The following ABCC1 variants were observed in gnomAD, a reference collection of about 807,000 sequenced individuals.
ABCC1 encodes ATP binding cassette subfamily C member 1 (ABCC1 blood group), also known as multidrug resistance-associated protein 1.
Under a neutral mutation model 172.9 loss-of-function variants are expected in ABCC1, and 83 were observed. The ratio of observed to expected loss-of-function variants is 0.48; its 90% confidence interval spans 0.40 to 0.58. The LOEUF (loss-of-function observed/expected upper bound fraction) is 0.58. Ranked by LOEUF, ABCC1 falls within the 20% of genes least tolerant of loss-of-function variation. The probability of loss-of-function intolerance (pLI) is 0.00; values close to 1 mark genes in which losing one functional copy is unlikely to be tolerated. For synonymous variants in ABCC1, 937 were observed against 825.2 expected, an observed-to-expected ratio of 1.14 and a Z score of -2.32; for missense variants, 1,817 against 2,002.7, an observed-to-expected ratio of 0.91 and a Z score of 1.77.
At chr16:16,013,402 C>G (rs373794820) in intron 3 of ABCC1, among the ~76,000 whole-genome samples, 47 of 152,132 alleles carry the variant, frequency 3.1e-4, no homozygotes, top group East Asian at 2.9e-3. Flanking sequence ...TCCCAGCTAG[C>G]TGTGACTAAA....
intron 26 of ABCC1, among the ~76,000 whole-genome samples, chr16:16,131,039 T>G (rs935215438): frequency 4.6e-5 from 7 of 152,132 alleles, no homozygotes; most frequent in African/African-American, 7.2e-5. Context: ...GAGAGTCGCT[T>G]GAACCTGGGA....
Position 15,949,741 on chromosome 16 carries a change from G to C in ABCC1, c.-11G>C, listed in dbSNP as rs1250176818. ...CGCCGCCCGGTGCCCGCCGCCGCCC[G>C]CGCCACCGGCATGGCGCTCCGGGGC... On this transcript the variant is annotated 5_prime_UTR_variant, in exon 1 of 31. Coordinates refer to ENST00000399410, the MANE Select transcript of ABCC1 (RefSeq NM_004996.4). The C allele has an allele frequency of 8.5e-7, 1 of 1,174,166 alleles. No homozygotes were observed. The highest frequency in any genetic ancestry group is 1.6e-5 in the African/African-American group (1 of 61,442). 72.7% of individuals were successfully genotyped at this position (1,174,166 alleles called of 1,614,324 possible). A position where few individuals can be genotyped will look rare whatever the true frequency, so the allele number is the denominator to read the frequency against.
intron 1 of ABCC1, 75 bp from the exon 2 acceptor site, chr16:16,007,741 G>A: frequency 7.0e-7 from 1 of 1,438,060 alleles, no homozygotes; most frequent in East Asian, 2.4e-5. Flanking sequence ...CGTGGCAGCT[G>A]GTTTCATGCT....
intron 27 of ABCC1, 137 bp downstream of exon 27, chr16:16,132,072 G>A (rs2045699451): frequency 7.2e-6 from 8 of 1,117,204 alleles, no homozygotes; most frequent in Non-Finnish European, 8.9e-6. Context: ...TTGGGGGGCT[G>A]GGAGTGGACT....
chr16:16,041,277 G>C (rs572637260), intron 7 of ABCC1, among the ~76,000 whole-genome samples: 5 of 152,176 alleles, frequency 3.3e-5, no homozygotes, highest in African/African-American at 1.2e-4. Context: ...AATTCAGTGA[G>C]ATATATGATA....
chr16:16,127,299 C>A (rs950601488), intron 26 of ABCC1, among the ~76,000 whole-genome samples: 1 of 152,168 alleles, frequency 6.6e-6, no homozygotes, highest in African/African-American at 2.4e-5. Context: ...CGCTGCCTCC[C>A]AGGCTCAAGT....
At chr16:16,094,906 C>T (rs3932161) in intron 19 of ABCC1, among the ~76,000 whole-genome samples, 60,450 of 150,026 alleles carry the variant, frequency 0.4, 14,402 homozygotes, top group Non-Finnish European at 0.53. Flanking sequence ...CAGCCTCCAC[C>T]TCCCGGGTTC....
intron 23 of ABCC1, among the ~76,000 whole-genome samples, chr16:16,118,902 A>AAAG (rs1037573672): frequency 6.0e-5 from 9 of 149,070 alleles, no homozygotes; most frequent in Admixed American, 2.0e-4. Context: ...AAAAAAAAAA[A>AAAG]AAAGAGCAAA....
chr16:16,057,132 A>G (rs1465399040), intron 12 of ABCC1, among the ~76,000 whole-genome samples: 3 of 150,552 alleles, frequency 2.0e-5, no homozygotes, highest in African/African-American at 7.3e-5. Flanking sequence ...ACTTGAGGCC[A>G]GGAGCTCGAG....
chr16:16,068,013 C>T (rs45481491), intron 12 of ABCC1, 143 bp from the exon 13 acceptor site: 31,977 of 850,920 alleles, frequency 0.038, 687 homozygotes, highest in Non-Finnish European at 0.044. Context: ...GATACTGCCC[C>T]AGGTTTTTCC....
intron 28 of ABCC1, among the ~76,000 whole-genome samples, chr16:16,135,402 C>G (rs981754047): frequency 3.3e-5 from 5 of 152,180 alleles, no homozygotes; most frequent in African/African-American, 4.8e-5. Context: ...CTCCCTCTTA[C>G]AAGTGAGAAC....
At position 16,087,000 on chromosome 16, in the gene ABCC1, T is replaced by C; in HGVS notation, c.2460+9T>C. On this transcript the variant is annotated intron_variant, in intron 18 of 30. Coordinates refer to ENST00000399410, the MANE Select transcript of ABCC1 (RefSeq NM_004996.4). ...GGATGCTGAAGAACAAGGTGCCTGC[T>C]GGCGGGGTGGGGCTTGGTGTTGGGC... is the stretch of plus-strand genomic sequence containing the variant. The C allele has an allele frequency of 6.2e-7, 1 of 1,614,072 alleles. No individual in the cohort carries two copies. Among genetic ancestry groups the C allele is most frequent in the African/African-American group, 1.3e-5 (1 of 75,074 alleles).
intron 26 of ABCC1, among the ~76,000 whole-genome samples, chr16:16,130,910 C>A (rs540437882): frequency 1.3e-5 from 2 of 152,200 alleles, no homozygotes; most frequent in African/African-American, 4.8e-5. Flanking sequence ...ATCATGAGGT[C>A]AGGAGTTAGA....
intron 25 of ABCC1, 130 bp downstream of exon 25, chr16:16,125,045 G>A: frequency 7.4e-7 from 1 of 1,354,404 alleles, no homozygotes; most frequent in Non-Finnish European, 1.0e-6. Context: ...TTGAGGAGCA[G>A]GTACAGTGCC....
In ABCC1 at chr16:16,133,047, C is replaced by G. The variant is rs2045766209; in HGVS notation, c.3966+1112C>G. On this transcript the variant is annotated intron_variant, in intron 27 of 30. Coordinates refer to ENST00000399410, the MANE Select transcript of ABCC1 (RefSeq NM_004996.4). Reference sequence around the variant, plus strand: ...TCCAAAACATTAGAATTTGTGATCTCTAGAATAAGGTGTCACCATCCCTTC... The same window carrying G: ...TCCAAAACATTAGAATTTGTGATCTGTAGAATAAGGTGTCACCATCCCTTC... Among the ~76,000 whole-genome samples, 6 of 152,208 alleles carry G rather than the reference C, an allele frequency of 3.9e-5. 1 individual carries two copies. In the South Asian group the frequency reaches 1.2e-3, roughly 32 times the overall value.
chr16:16,094,291 G>T, intron 19 of ABCC1: 2 of 265,434 alleles, frequency 7.5e-6, no homozygotes, highest in South Asian at 4.2e-5. Context: ...AGTTCAGTGT[G>T]ACTCTCTGTA....
At chr16:16,127,248 G>A (rs968300923) in intron 26 of ABCC1, among the ~76,000 whole-genome samples, 3 of 152,112 alleles carry the variant, frequency 2.0e-5, no homozygotes, top group Non-Finnish European at 4.4e-5. Context: ...TTGAGACACG[G>A]TCTCACTCTT....
chr16:16,061,136 G>T (rs1472002721), intron 12 of ABCC1, among the ~76,000 whole-genome samples: 1 of 152,172 alleles, frequency 6.6e-6, no homozygotes, highest in Non-Finnish European at 1.5e-5. Flanking sequence ...TGTTGGCCAG[G>T]CTGGTCTCAA....
At chr16:15,958,727 C>T (rs1299180288) in intron 1 of ABCC1, among the ~76,000 whole-genome samples, 1 of 152,178 alleles carries the variant, frequency 6.6e-6, no homozygotes, top group Non-Finnish European at 1.5e-5. Context: ...AGGGCAGCAT[C>T]CCTGTGGGTG....
Sources: gnomAD v4.1 joint callset for allele counts (sites outside exome capture counted in the v4.1 genomes callset) on GRCh38, gnomAD v4.1.1 for gene constraint, MANE v1.5 for transcripts, NCBI Gene and HGNC (gene_info 2026-07-23, HGNC 2026-07-21) for gene names.